Variants in DAAM1 observed in about 807,000 individuals in gnomAD.
The protein encoded by DAAM1 is disheveled-associated activator of morphogenesis 1.
In DAAM1, 52 loss-of-function variants were observed where a neutral mutation model predicts 130.0. The ratio of observed to expected loss-of-function variants is 0.40; its 90% CI spans 0.32 to 0.50. DAAM1 has a LOEUF of 0.50. DAAM1 is among the 20% of genes least tolerant of loss of function. The probability of loss-of-function intolerance (pLI) is 0.61; values close to 1 mark genes in which losing one functional copy is unlikely to be tolerated. For missense variants in DAAM1, 1,134 were observed against 1,303.8 expected, an observed-to-expected ratio of 0.87 and a Z score of 2.01; for synonymous variants, 452 against 444.5, an observed-to-expected ratio of 1.02 and a Z score of -0.21.
Position 59,355,308 on chromosome 14 carries a change from G to T in DAAM1, c.2500G>T (p.Ala834Ser). The change falls in exon 20 of 25, where the codon GCT becomes TCT. Residue 834 changes from alanine (A) to serine (S), a missense_variant. Physicochemically the swap from Ala to Ser is moderately conservative, Grantham distance 99. Around this residue, in one of 3 missense-constraint regions of DAAM1, gnomAD observed 644 missense variants for 695.9 expected, o/e 0.93. Coordinates refer to ENST00000360909, the MANE Select transcript of DAAM1 (RefSeq NM_001270520.2). Reference protein sequence around the residue: ...GFKISSLNKIADTKSSIDKNI... With the variant: ...GFKISSLNKISDTKSSIDKNI... ...CAAGATATCTAGCCTAAACAAAATT[G>T]CTGACACAAAATCCAGCATCGACAA... 1 of 1,613,958 alleles carries T rather than the reference G, an allele frequency of 6.2e-7. No individual in the cohort carries two copies.
intron 21 of DAAM1, among the ~76,000 whole-genome samples, chr14:59,360,394 A>C (rs1886659383): frequency 3.3e-5 from 5 of 152,274 alleles, no homozygotes; most frequent in African/African-American, 7.2e-5. Flanking sequence ...CAGAACACTG[A>C]TTATACAGAG....
intron 22 of DAAM1, among the ~76,000 whole-genome samples, chr14:59,361,162 T>C (rs1886690194): frequency 1.3e-5 from 2 of 152,146 alleles, no homozygotes; most frequent in African/African-American, 4.8e-5. Flanking sequence ...GGCTAGATGA[T>C]CTTCAGGGAC....
In DAAM1 at chr14:59,320,516, G is replaced by GGAA; in HGVS notation, c.385_387dup (p.Glu129dup). Reference sequence around the variant, plus strand: ...GAAAATCTCTGCTGGCTTTAGAGAAGGAAGAAGAAGAAGAAAGAAGTAAAA... The same window carrying GGAA: ...GAAAATCTCTGCTGGCTTTAGAGAAGGAAGAAGAAGAAGAAGAAAGAAGTAAAA... On this transcript the variant is annotated inframe_insertion, in exon 5 of 25. Coordinates refer to ENST00000360909, the MANE Select transcript of DAAM1 (RefSeq NM_001270520.2). 6.2e-7 allele frequency: 1 copy of GGAA among 1,603,716 alleles called. No homozygotes were observed. Among genetic ancestry groups the GGAA allele is most frequent in the Non-Finnish European group, 8.5e-7 (1 of 1,176,846 alleles).
chr14:59,195,883 T>C (rs1414239605), intron 1 of DAAM1, among the ~76,000 whole-genome samples: 1 of 142,718 alleles, frequency 7.0e-6, no homozygotes, highest in Non-Finnish European at 1.5e-5. Context: ...TTTTTCTGTA[T>C]CTTTTTTTTT....
chr14:59,328,465 G>A (rs562103536), intron 12 of DAAM1, among the ~76,000 whole-genome samples: 49 of 152,306 alleles, frequency 3.2e-4, no homozygotes, highest in African/African-American at 1.1e-3. Flanking sequence ...TAGGATGTAA[G>A]CTTTCGAGTC....
At chr14:59,198,515 C>T (rs988632678) in intron 1 of DAAM1, among the ~76,000 whole-genome samples, 1 of 152,064 alleles carries the variant, frequency 6.6e-6, no homozygotes, top group African/African-American at 2.4e-5. Flanking sequence ...AGGCATGAGC[C>T]ACCGTGCCTG....
At chr14:59,315,457 GTACCTT>G in intron 4 of DAAM1, 106 bp downstream of exon 4, 3 of 1,050,306 alleles carry the variant, frequency 2.9e-6, no homozygotes, top group Non-Finnish European at 4.2e-6. Flanking sequence ...CCAAATGTCA[GTACCTT>G]TCCAAACTCC....
At chr14:59,216,748 A>G (rs1262653246) in intron 1 of DAAM1, among the ~76,000 whole-genome samples, 1 of 152,120 alleles carries the variant, frequency 6.6e-6, no homozygotes, top group African/African-American at 2.4e-5. Flanking sequence ...TCAATTTCAT[A>G]TCACCATGAA....
intron 3 of DAAM1, chr14:59,291,616 G>T: frequency 3.9e-6 from 1 of 255,692 alleles, no homozygotes; most frequent in Non-Finnish European, 7.3e-6. Context: ...TCTGTATACA[G>T]GTGGTCTAGA....
chr14:59,367,151 G>A (rs2139695047), intron 23 of DAAM1, among the ~76,000 whole-genome samples: 1 of 152,186 alleles, frequency 6.6e-6, no homozygotes, highest in Non-Finnish European at 1.5e-5. Context: ...AGCCAGGCAT[G>A]GTGGTTTGTG....
Position 59,316,717 on chromosome 14 carries a change from G to A in DAAM1, c.345+1366G>A, listed in dbSNP as rs112454108. ...CATCTGCCTAAGCAATAATAATTTG[G>A]AGCCATTTATATTTCCTGCATATAA... is the stretch of plus-strand genomic sequence containing the variant. On this transcript the variant is annotated intron_variant, in intron 4 of 24. Coordinates refer to ENST00000360909, the MANE Select transcript of DAAM1 (RefSeq NM_001270520.2). 2.8e-4 allele frequency among the ~76,000 whole-genome samples: 42 copies of A among 152,244 alleles called. 1 individual carries two copies. The highest frequency in any genetic ancestry group is 9.9e-4 in the African/African-American group (41 of 41,548).
intron 3 of DAAM1, among the ~76,000 whole-genome samples, chr14:59,306,648 C>CT (rs1884390509): frequency 6.6e-6 from 1 of 151,266 alleles, no homozygotes; most frequent in South Asian, 2.1e-4. Flanking sequence ...AGTATAGCCT[C>CT]TTTTCTGGCT....
At chr14:59,256,711 G>A (rs988214314) in intron 1 of DAAM1, among the ~76,000 whole-genome samples, 1 of 152,192 alleles carries the variant, frequency 6.6e-6, no homozygotes, top group African/African-American at 2.4e-5. Flanking sequence ...TAGGTCCCTA[G>A]TTTCAGAAGC....
intron 1 of DAAM1, among the ~76,000 whole-genome samples, chr14:59,234,907 G>GT (rs552125267): frequency 7.9e-5 from 12 of 152,108 alleles, no homozygotes; most frequent in African/African-American, 2.4e-4. Context: ...TAATCATGTG[G>GT]TTTTTTTCCT....
chr14:59,356,606 T>TG (rs1886489641), intron 20 of DAAM1, among the ~76,000 whole-genome samples: 2 of 152,172 alleles, frequency 1.3e-5, no homozygotes, highest in African/African-American at 4.8e-5. Flanking sequence ...CATCCACAGC[T>TG]CTATTAGCAG....
intron 20 of DAAM1, 129 bp downstream of exon 20, chr14:59,355,462 C>G: frequency 2.7e-6 from 3 of 1,132,002 alleles, no homozygotes; most frequent in Non-Finnish European, 3.7e-6. Context: ...TTTCTCACTA[C>G]TTTCTTCCCT....
At chr14:59,357,575 G>A (rs758317318) in intron 20 of DAAM1, among the ~76,000 whole-genome samples, 25 of 152,156 alleles carry the variant, frequency 1.6e-4, no homozygotes, top group Non-Finnish European at 3.4e-4. Context: ...TCAGGAGATG[G>A]AGACCATCCT....
At chr14:59,245,055 G>A (rs910886019) in intron 1 of DAAM1, among the ~76,000 whole-genome samples, 3 of 148,154 alleles carry the variant, frequency 2.0e-5, no homozygotes, top group South Asian at 4.2e-4. Flanking sequence ...GGAAAAGGAC[G>A]GGGGGGCCAG....
intron 3 of DAAM1, among the ~76,000 whole-genome samples, chr14:59,305,800 G>A (rs1220715519): frequency 6.6e-6 from 1 of 152,162 alleles, no homozygotes; most frequent in Non-Finnish European, 1.5e-5. Context: ...TGCTTTTCTT[G>A]CTTTTCTGGG....
Sources: allele counts gnomAD v4.1 joint callset (sites outside exome capture counted in the v4.1 genomes callset), GRCh38; gene constraint gnomAD v4.1.1; regional missense constraint gnomAD v4.1.1; transcripts MANE v1.5; gene names NCBI Gene and HGNC (gene_info 2026-07-23, HGNC 2026-07-21).